The following LRRTM4 variants were observed in gnomAD, a reference collection of about 807,000 sequenced individuals.
LRRTM4 encodes the protein leucine rich repeat transmembrane neuronal 4, also known as leucine-rich repeat transmembrane neuronal protein 4.
A neutral mutation model predicts 47.6 loss-of-function variants in LRRTM4; 25 were observed. The observed-to-expected ratio is 0.53, with a 90% CI of 0.38 to 0.73. The LOEUF (loss-of-function observed/expected upper bound fraction) is 0.73. Among genes scored for constraint, LRRTM4 ranks in the 30% least tolerant of loss-of-function variants. The pLI is 0.00. For missense variants in LRRTM4, 638 were observed against 713.4 expected, an observed-to-expected ratio of 0.89 and a Z score of 1.20; for synonymous variants, 311 against 269.5, an observed-to-expected ratio of 1.15 and a Z score of -1.51.
At chr2:77,483,367 G>GTC (rs932634403) in intron 3 of LRRTM4, among the ~76,000 whole-genome samples, 4 of 152,048 alleles carry the variant, frequency 2.6e-5, no homozygotes, top group African/African-American at 9.7e-5. Context: ...GAGGGGGACA[G>GTC]TCTCTCTCTG....
chr2:76,936,369 T>A (rs1356726555), intron 3 of LRRTM4, among the ~76,000 whole-genome samples: 1 of 149,224 alleles, frequency 6.7e-6, no homozygotes, highest in African/African-American at 2.5e-5. Flanking sequence ...TTCTCACTCA[T>A]AAGTGAGAGT....
intron 3 of LRRTM4, among the ~76,000 whole-genome samples, chr2:76,873,451 A>G (rs1672685382): frequency 6.9e-6 from 1 of 144,192 alleles, no homozygotes; most frequent in Non-Finnish European, 1.5e-5. Context: ...CTGTGTGTAT[A>G]TATATATAAC....
At chr2:77,388,840 C>A (rs1673390038) in intron 3 of LRRTM4, among the ~76,000 whole-genome samples, 1 of 151,814 alleles carries the variant, frequency 6.6e-6, no homozygotes, top group Non-Finnish European at 1.5e-5. Context: ...TGCTATTTTG[C>A]ATAAATATAT....
intron 3 of LRRTM4, among the ~76,000 whole-genome samples, chr2:77,091,050 T>G (rs936557480): frequency 2.0e-5 from 3 of 152,028 alleles, no homozygotes; most frequent in Non-Finnish European, 4.4e-5. Context: ...CTCTTAAAAC[T>G]CCCCAACTCT....
At chr2:77,398,871 T>C (rs1222040170) in intron 3 of LRRTM4, among the ~76,000 whole-genome samples, 1 of 151,854 alleles carries the variant, frequency 6.6e-6, no homozygotes, top group African/African-American at 2.4e-5. Context: ...ATGAGGAGCA[T>C]TTGATTCATG....
rs536199949 is a variant in LRRTM4 at position 76,999,922 on chromosome 2, G to C, written c.1552-251006C>G. On this transcript the variant is annotated intron_variant, in intron 3 of 3. Coordinates refer to ENST00000409884, the MANE Select transcript of LRRTM4 (RefSeq NM_001134745.3). ...AAAACTAAGTTGCTACAGTTTAAAAGTGCACAAGGGCAGAGTGACAGCCCT... is the reference window on the plus strand; with the variant it reads ...AAAACTAAGTTGCTACAGTTTAAAACTGCACAAGGGCAGAGTGACAGCCCT... Among the ~76,000 whole-genome samples, 321 of 152,216 alleles carry C rather than the reference G, an allele frequency of 2.1e-3. 1 individual carries two copies. The highest frequency in any genetic ancestry group is 7.6e-3 in the African/African-American group (316 of 41,552).
intron 3 of LRRTM4, among the ~76,000 whole-genome samples, chr2:76,773,977 T>C (rs1021000448): frequency 2.8e-4 from 43 of 152,150 alleles, no homozygotes; most frequent in African/African-American, 9.9e-4. Context: ...GAAAAAAATA[T>C]ATAGCGGATC....
chr2:77,141,111 C>T (rs1242734436), intron 3 of LRRTM4, among the ~76,000 whole-genome samples: 4 of 152,134 alleles, frequency 2.6e-5, no homozygotes, highest in African/African-American at 9.7e-5. Flanking sequence ...ACCCAGCCAT[C>T]CCATTACTGG....
chr2:76,829,682 T>C (rs1455661994), intron 3 of LRRTM4, among the ~76,000 whole-genome samples: 2 of 152,064 alleles, frequency 1.3e-5, no homozygotes, highest in Non-Finnish European at 2.9e-5. Context: ...TATATTTAAA[T>C]TAATATGCTT....
At chr2:76,782,453 C>G (rs1403114605) in intron 3 of LRRTM4, among the ~76,000 whole-genome samples, 2 of 152,144 alleles carry the variant, frequency 1.3e-5, no homozygotes, top group Non-Finnish European at 2.9e-5. Flanking sequence ...TTGCACTAAA[C>G]ATGTTTTAAG....
chr2:77,316,831 C>A, intron 3 of LRRTM4, among the ~76,000 whole-genome samples: 1 of 152,182 alleles, frequency 6.6e-6, no homozygotes, highest in East Asian at 1.9e-4. Flanking sequence ...TATGCGTGAG[C>A]CACTGCACCT....
chr2:77,220,423 G>T (rs1211975659), intron 3 of LRRTM4, among the ~76,000 whole-genome samples: 2 of 152,166 alleles, frequency 1.3e-5, no homozygotes, highest in Non-Finnish European at 2.9e-5. Context: ...AAAGGAGGAA[G>T]TTCGAACCAA....
chr2:77,018,277 T>TG (rs3058028), intron 3 of LRRTM4, among the ~76,000 whole-genome samples: 2 of 146,650 alleles, frequency 1.4e-5, no homozygotes, highest in Non-Finnish European at 3.0e-5. Flanking sequence ...TTTTTTTTTT[T>TG]GTCTTTGTTC....
At chr2:77,475,993 T>A (rs568337156) in intron 3 of LRRTM4, among the ~76,000 whole-genome samples, 2 of 152,162 alleles carry the variant, frequency 1.3e-5, no homozygotes, top group South Asian at 4.1e-4. Context: ...ATACCTTATC[T>A]CTTTCCTTAT....
At chr2:77,443,682 T>C (rs555067305) in intron 3 of LRRTM4, among the ~76,000 whole-genome samples, 32 of 152,158 alleles carry the variant, frequency 2.1e-4, no homozygotes, top group African/African-American at 7.2e-4. Flanking sequence ...AAGAAAAACA[T>C]GGAAGAAAAA....
At position 76,963,879 on chromosome 2, in the gene LRRTM4, T is replaced by C. The variant is rs185358719; in HGVS notation, c.1552-214963A>G. ...AGAGAATATTACCATAATTATATAA[T>C]TTTAAAAATTTCATTTTTATATTAA... On this transcript the variant is annotated intron_variant, in intron 3 of 3. Coordinates refer to ENST00000409884, the MANE Select transcript of LRRTM4 (RefSeq NM_001134745.3). Among the ~76,000 whole-genome samples, 44 of 150,864 alleles carry C rather than the reference T, an allele frequency of 2.9e-4. No individual in the cohort carries two copies. The East Asian group carries it at 6.4e-3, about 22-fold the overall frequency.
chr2:77,183,821 C>A (rs941824787), intron 3 of LRRTM4, among the ~76,000 whole-genome samples: 13 of 152,118 alleles, frequency 8.5e-5, no homozygotes, highest in African/African-American at 3.1e-4. Context: ...TCTCAGCAAC[C>A]TATTGCAAGG....
chr2:77,148,432 T>A (rs920149983), intron 3 of LRRTM4, among the ~76,000 whole-genome samples: 1 of 152,144 alleles, frequency 6.6e-6, no homozygotes, highest in Non-Finnish European at 1.5e-5. Context: ...TCATTCTTTT[T>A]TTCCCCCAAT....
At chr2:77,245,517 C>CAAAAA (rs770133274) in intron 3 of LRRTM4, among the ~76,000 whole-genome samples, 2 of 86,456 alleles carry the variant, frequency 2.3e-5, no homozygotes, top group African/African-American at 7.6e-5. Flanking sequence ...GACACTGCCT[C>CAAAAA]AAAAAAAAAA....
Sources: allele counts gnomAD v4.1 joint callset (sites outside exome capture counted in the v4.1 genomes callset), GRCh38; gene constraint gnomAD v4.1.1; transcripts MANE v1.5; gene names NCBI Gene and HGNC (gene_info 2026-07-23, HGNC 2026-07-21).